Variants in PLD5 observed in about 807,000 individuals in gnomAD.
PLD5 encodes phospholipase D family member 5.
PLD5 carries 36 observed loss-of-function variants against 61.1 expected under a neutral mutation model. The observed-to-expected ratio is 0.59, with a 90% CI of 0.45 to 0.78. The LOEUF (loss-of-function observed/expected upper bound fraction) is 0.78. Among genes scored for constraint, PLD5 ranks in the 30% least tolerant of loss-of-function variants. PLD5 has a pLI of 0.00. For synonymous variants in PLD5, 243 were observed against 242.8 expected (o/e 1.00, Z -0.01); for missense variants, 515 against 644.4 (o/e 0.80, Z 2.17).
chr1:242,172,420 A>T (rs920923600), intron 5 of PLD5, among the ~76,000 whole-genome samples: 2 of 152,244 alleles, frequency 1.3e-5, no homozygotes, highest in African/African-American at 4.8e-5. Flanking sequence ...CCATAAGAGA[A>T]AGCAGGGAAG....
In PLD5 at chr1:242,083,801, T is replaced by C. The variant is rs1004090824; in HGVS notation, c.*6053A>G. The stretch of plus-strand genomic sequence containing the variant: ...TAAAGATCTTCATCCTCTATTTATA[T>C]TGGAAAGTAACATATAATTTCAACG... On this transcript the variant is annotated 3_prime_UTR_variant, in exon 10 of 10. Coordinates refer to ENST00000536534, the MANE Select transcript of PLD5 (RefSeq NM_001372062.1). 1 of 152,202 alleles carries C rather than the reference T, an allele frequency of 6.6e-6. No individual in the cohort carries two copies. The highest frequency in any genetic ancestry group is 2.4e-5 in the African/African-American group (1 of 41,460). The allele number at this position is 152,202 out of a possible 1,614,324, so 9.4% of individuals were successfully genotyped here. A position where few individuals can be genotyped will look rare whatever the true frequency, so the allele number is the denominator to read the frequency against.
At chr1:242,427,559 T>A (rs1665500863) in intron 1 of PLD5, among the ~76,000 whole-genome samples, 1 of 152,238 alleles carries the variant, frequency 6.6e-6, no homozygotes, top group Admixed American at 6.5e-5. Context: ...TAGTTCATCT[T>A]AATACTTTTG....
chr1:242,515,969 ATTATT>A (rs1434797331), intron 1 of PLD5, among the ~76,000 whole-genome samples: 1 of 152,116 alleles, frequency 6.6e-6, no homozygotes, highest in African/African-American at 2.4e-5. Flanking sequence ...GTCACTGTCA[ATTATT>A]TTATTTTAAT....
chr1:242,214,871 CTT>C (rs71570942), intron 5 of PLD5, among the ~76,000 whole-genome samples: 14 of 92,480 alleles, frequency 1.5e-4, no homozygotes, highest in African/African-American at 5.4e-4. Flanking sequence ...CATTAAACAC[CTT>C]TTTTTTTTTT....
At chr1:242,497,580 A>C (rs540202359) in intron 1 of PLD5, among the ~76,000 whole-genome samples, 11 of 152,328 alleles carry the variant, frequency 7.2e-5, no homozygotes, top group Non-Finnish European at 1.3e-4. Context: ...AGGTCTCCAC[A>C]TATGGCTGTT....
At chr1:242,163,360 G>C (rs1357267564) in intron 5 of PLD5, among the ~76,000 whole-genome samples, 2 of 151,928 alleles carry the variant, frequency 1.3e-5, no homozygotes, top group Non-Finnish European at 2.9e-5. Flanking sequence ...AGCCAGGATG[G>C]TCTCCATCTC....
At chr1:242,352,158 G>A (rs1660513412) in intron 1 of PLD5, among the ~76,000 whole-genome samples, 1 of 152,100 alleles carries the variant, frequency 6.6e-6, no homozygotes, top group South Asian at 2.1e-4. Context: ...AAAAGAAGCA[G>A]ACTTATTCCT....
chr1:242,389,559 C>A (rs1346491407), intron 1 of PLD5, among the ~76,000 whole-genome samples: 1 of 151,468 alleles, frequency 6.6e-6, no homozygotes, highest in Non-Finnish European at 1.5e-5. Flanking sequence ...CTCTCAAATA[C>A]TCTGAGGGGG....
chr1:242,296,897 A>G (rs1419296948), intron 2 of PLD5, among the ~76,000 whole-genome samples: 1 of 152,034 alleles, frequency 6.6e-6, no homozygotes, highest in East Asian at 1.9e-4. Flanking sequence ...TTATTTATTT[A>G]TTTACTGTTG....
At chr1:242,289,795 C>T (rs1675253373) in intron 2 of PLD5, among the ~76,000 whole-genome samples, 1 of 152,164 alleles carries the variant, frequency 6.6e-6, no homozygotes, top group Non-Finnish European at 1.5e-5. Flanking sequence ...TAAATTTCAG[C>T]TTTCAACAAA....
At chr1:242,404,593 CAT>C (rs1180695891) in intron 1 of PLD5, among the ~76,000 whole-genome samples, 1 of 152,164 alleles carries the variant, frequency 6.6e-6, no homozygotes, top group African/African-American at 2.4e-5. Flanking sequence ...TCTCCATCCT[CAT>C]AGACAGTTTC....
intron 2 of PLD5, among the ~76,000 whole-genome samples, chr1:242,321,583 G>A (rs1457199388): frequency 6.6e-6 from 1 of 152,070 alleles, no homozygotes; most frequent in East Asian, 1.9e-4. Flanking sequence ...GGGATTACAG[G>A]TGTCAGCCAC....
At chr1:242,100,553 A>G in intron 9 of PLD5, 115 bp downstream of exon 9, 1 of 715,852 alleles carries the variant, frequency 1.4e-6, no homozygotes, top group South Asian at 1.8e-5. Flanking sequence ...CCCCTCATTC[A>G]CCAGCAGTGG....
intron 1 of PLD5, among the ~76,000 whole-genome samples, chr1:242,402,124 G>A (rs1051879777): frequency 1.3e-5 from 2 of 152,202 alleles, no homozygotes; most frequent in Non-Finnish European, 2.9e-5. Flanking sequence ...GCCCATTCAT[G>A]CCGAGAGAAT....
intron 6 of PLD5, among the ~76,000 whole-genome samples, chr1:242,122,591 C>G (rs779513789): frequency 5.3e-5 from 8 of 152,088 alleles, no homozygotes; most frequent in Non-Finnish European, 8.8e-5. Context: ...ATAGGGTCAT[C>G]TTGAGATGAA....
upstream of PLD5, among the ~76,000 whole-genome samples, chr1:242,528,510 G>T (rs556497607): frequency 6.6e-6 from 1 of 152,236 alleles, no homozygotes; most frequent in South Asian, 2.1e-4. Flanking sequence ...GTCTGAATTA[G>T]GCACTTTGCA....
rs71652406 is a variant in PLD5, at chr1:242,411,392, C to T, written c.190-63150G>A. Among the ~76,000 whole-genome samples the T allele has an allele frequency of 2.9e-3, 437 of 152,282 alleles. 2 individuals are homozygous for T. The highest frequency in any genetic ancestry group is 0.013 in the East Asian group (69 of 5,160). ...CTGGGACTACAGGCGCCCGCCACCA[C>T]GCCCGGCTAATTTTTTGTATTTTTA... On this transcript the variant is annotated intron_variant, in intron 1 of 9. Coordinates refer to ENST00000536534, the MANE Select transcript of PLD5 (RefSeq NM_001372062.1).
chr1:242,130,454 G>A (rs1169621227), intron 5 of PLD5, among the ~76,000 whole-genome samples: 1 of 152,148 alleles, frequency 6.6e-6, no homozygotes, highest in Non-Finnish European at 1.5e-5. Flanking sequence ...CTTTTGCTAT[G>A]CGTAGATACA....
At chr1:242,167,951 C>T (rs1666448111) in intron 5 of PLD5, among the ~76,000 whole-genome samples, 1 of 152,170 alleles carries the variant, frequency 6.6e-6, no homozygotes, top group Non-Finnish European at 1.5e-5. Context: ...TGGTTCCTCA[C>T]CAGAGTGCAC....
Sources: allele counts gnomAD v4.1 joint callset (sites outside exome capture counted in the v4.1 genomes callset), GRCh38; gene constraint gnomAD v4.1.1; transcripts MANE v1.5; gene names NCBI Gene and HGNC (gene_info 2026-07-23, HGNC 2026-07-21).